The following PLBD1 variants were observed in gnomAD, a reference collection of about 807,000 sequenced individuals.
PLBD1 encodes the protein lysosomal leucine aminopeptidase.
PLBD1 carries 60 observed loss-of-function variants against 63.0 expected under a neutral mutation model. The ratio of observed to expected loss-of-function variants is 0.95; its 90% CI spans 0.77 to 1.18. PLBD1 has a LOEUF of 1.18. Ranked by LOEUF, PLBD1 falls within the 50% of genes most tolerant of loss-of-function variation. The pLI, the probability that PLBD1 is intolerant of heterozygous loss-of-function variation, is 0.00. For missense variants in PLBD1, 598 were observed against 677.9 expected, an observed-to-expected ratio of 0.88 and a Z score of 1.31; for synonymous variants, 262 against 248.0, an observed-to-expected ratio of 1.06 and a Z score of -0.53.
intron 4 of PLBD1, among the ~76,000 whole-genome samples, chr12:14,539,801 G>A (rs1018247318): frequency 2.7e-5 from 4 of 150,602 alleles, no homozygotes; most frequent in Non-Finnish European, 5.9e-5. Context: ...AAAAAAGTTA[G>A]AGTCTTACTG....
Position 14,553,399 on chromosome 12 carries a change from T to G in PLBD1, c.129A>C (p.Ala43=). 1 of 1,613,924 alleles carries G rather than the reference T, an allele frequency of 6.2e-7. No homozygotes were observed. ...TTTCAGCAGGCATCCAGTATGCAGT[T>G]GCATAGTAGACTCCTAGAAGAAAAG... ...EPPKPAGVYY[A]TAYWMPAEKT... Residue 43 remains alanine, a synonymous_variant, in exon 2 of 11, where the codon GCA becomes GCC. Coordinates refer to ENST00000240617, the MANE Select transcript of PLBD1 (RefSeq NM_024829.6).
At position 14,529,421 on chromosome 12, in the gene PLBD1, G is replaced by C. The variant is rs143819650; in HGVS notation, c.844+6238C>G. Among the ~76,000 whole-genome samples the C allele has an allele frequency of 2.4e-3, 364 of 152,004 alleles. 1 individual carries two copies. The highest frequency in any genetic ancestry group is 4.0e-3 in the Non-Finnish European group (272 of 67,980). Reference sequence around the variant, plus strand: ...GTAAACTGAACTAAAAATAAATACAGAGAATAACACATCATGACTGAGGAT... The same window carrying C: ...GTAAACTGAACTAAAAATAAATACACAGAATAACACATCATGACTGAGGAT... On this transcript the variant is annotated intron_variant, in intron 6 of 10. Coordinates refer to ENST00000240617, the MANE Select transcript of PLBD1 (RefSeq NM_024829.6).
At chr12:14,542,418 T>C in intron 2 of PLBD1, 127 bp from the exon 3 acceptor site, 2 of 658,636 alleles carry the variant, frequency 3.0e-6, no homozygotes, top group Non-Finnish European at 2.6e-6. Flanking sequence ...CTATCTTTTT[T>C]TTCCTTAATA....
At chr12:14,529,007 C>T (rs952149580) in intron 6 of PLBD1, among the ~76,000 whole-genome samples, 3 of 152,024 alleles carry the variant, frequency 2.0e-5, no homozygotes, top group Non-Finnish European at 4.4e-5. Context: ...TCATATCTAG[C>T]TTCACGCGTG....
At chr12:14,516,277 C>T (rs1047082785) in intron 6 of PLBD1, among the ~76,000 whole-genome samples, 8 of 152,138 alleles carry the variant, frequency 5.3e-5, no homozygotes, top group South Asian at 2.1e-4. Flanking sequence ...TGCAGTGAGC[C>T]GAGATCGCGC....
chr12:14,565,907 C>A lies in PLBD1; in HGVS notation c.115+1675G>T, dbSNP rs1945776750. 2.6e-5 allele frequency among the ~76,000 whole-genome samples: 4 copies of A among 152,140 alleles called. No homozygotes were observed. The South Asian group carries it at 8.3e-4, about 31-fold the overall frequency. ...GAAATGTCCTTACTTTCTGCCTTGG[C>A]TCCAGAACCTCCAAGCATGGAGTCA... On this transcript the variant is annotated intron_variant, in intron 1 of 10. Coordinates refer to ENST00000240617, the MANE Select transcript of PLBD1 (RefSeq NM_024829.6).
intron 1 of PLBD1, among the ~76,000 whole-genome samples, chr12:14,561,744 C>T (rs541321246): frequency 4.6e-5 from 7 of 152,126 alleles, no homozygotes; most frequent in East Asian, 1.9e-4. Flanking sequence ...TTAGCAGAGA[C>T]GGGGTTTGTC....
chr12:14,505,120 TTTTTA>T (rs1164165284), intron 10 of PLBD1, among the ~76,000 whole-genome samples: 2 of 151,746 alleles, frequency 1.3e-5, no homozygotes, highest in Non-Finnish European at 2.9e-5. Flanking sequence ...TTTTTTTTTT[TTTTTA>T]ATGTTAACAT....
At position 14,542,852 on chromosome 12, in the gene PLBD1, C is replaced by T. The variant is rs193015413; in HGVS notation, c.336-561G>A. Among the ~76,000 whole-genome samples, 3 of 151,996 alleles carry T rather than the reference C, an allele frequency of 2.0e-5. No individual in the cohort carries two copies. The East Asian group carries it at 5.8e-4, about 29-fold the overall frequency. On this transcript the variant is annotated intron_variant, in intron 2 of 10. Coordinates refer to ENST00000240617, the MANE Select transcript of PLBD1 (RefSeq NM_024829.6). ...CACAAGGTCAGGAGATCGAGACCAT[C>T]CTGGCTAACACGGTGAAACCCCGTC...
intron 6 of PLBD1, among the ~76,000 whole-genome samples, chr12:14,517,133 G>A (rs1426503370): frequency 1.3e-5 from 2 of 152,076 alleles, no homozygotes; most frequent in African/African-American, 2.4e-5. Flanking sequence ...TGAGTTCACT[G>A]CTCTTTTAGT....
At chr12:14,533,984 A>T (rs1945489112) in intron 6 of PLBD1, among the ~76,000 whole-genome samples, 1 of 152,012 alleles carries the variant, frequency 6.6e-6, no homozygotes, top group Admixed American at 6.6e-5. Flanking sequence ...TCTCCATAAA[A>T]CATTTTTTAA....
chr12:14,540,051 T>TACACACAC lies in PLBD1; in HGVS notation c.558+712_558+713insGTGTGTGT, dbSNP rs1431406731. ...ATATATATATATATATATATATATATATACACACACACACTGGTCAAAATA... is the reference window on the plus strand; with the variant it reads ...ATATATATATATATATATATATATATACACACACATACACACACACACTGGTCAAAATA... On this transcript the variant is annotated intron_variant, in intron 4 of 10. Coordinates refer to ENST00000240617, the MANE Select transcript of PLBD1 (RefSeq NM_024829.6). Among the ~76,000 whole-genome samples, 458 of 75,196 alleles carry TACACACAC rather than the reference T, an allele frequency of 6.1e-3. 7 individuals carry two copies. The highest frequency in any genetic ancestry group is 0.011 in the African/African-American group (231 of 20,906). 49.3% of individuals were successfully genotyped at this position (75,196 alleles called of 152,430 possible). A position where few individuals can be genotyped will look rare whatever the true frequency, so the allele number is the denominator to read the frequency against.
intron 4 of PLBD1, among the ~76,000 whole-genome samples, chr12:14,537,043 C>G (rs10846019): frequency 0.29 from 42,944 of 147,372 alleles, 6,627 homozygotes; most frequent in South Asian, 0.52. Context: ...GAGCCAAGAT[C>G]GCACCACAGC....
intron 8 of PLBD1, among the ~76,000 whole-genome samples, chr12:14,510,224 C>G (rs1262661255): frequency 3.3e-5 from 5 of 152,136 alleles, no homozygotes; most frequent in Non-Finnish European, 2.9e-5. Flanking sequence ...AACCCCGTCT[C>G]TACTAAAAAC....
intron 6 of PLBD1, among the ~76,000 whole-genome samples, chr12:14,527,714 C>G (rs917923944): frequency 6.6e-6 from 1 of 151,816 alleles, no homozygotes; most frequent in African/African-American, 2.4e-5. Flanking sequence ...TTTATTGGCC[C>G]TTAAACTGAA....
intron 6 of PLBD1, among the ~76,000 whole-genome samples, chr12:14,514,372 T>C (rs985361461): frequency 6.6e-6 from 1 of 152,228 alleles, no homozygotes; most frequent in Admixed American, 6.5e-5. Flanking sequence ...GGTAGAATGC[T>C]GTATTTCCGG....
Position 14,507,131 on chromosome 12 carries a change from G to A in PLBD1, c.1187-13C>T. ...GAGGGCCAATATCCTGATTTGGAAT[G>A]GAAGGGAAGTAAGGGAGGGATTGAC... On this transcript the variant is annotated splice_polypyrimidine_tract_variant and intron_variant, in intron 8 of 10. Transcript: ENST00000240617. The A allele has an allele frequency of 2.5e-6, 4 of 1,574,234 alleles. No homozygotes were observed. Among genetic ancestry groups the A allele is most frequent in the South Asian group, 1.1e-5 (1 of 88,112 alleles).
chr12:14,527,401 G>A lies in PLBD1; in HGVS notation c.844+8258C>T, dbSNP rs553905183. ...ATCTGTTACTAGTACCATCTTGACA[G>A]AGGATACATGCTCCCAAAACGTTTG... On this transcript the variant is annotated intron_variant, in intron 6 of 10. Transcript: ENST00000240617. 3.9e-5 allele frequency among the ~76,000 whole-genome samples: 6 copies of A among 152,276 alleles called. No individual in the cohort carries two copies. In the East Asian group the frequency reaches 9.6e-4, roughly 24 times the overall value.
Position 14,523,705 on chromosome 12 carries a change from G to T in PLBD1, c.844+11954C>A, listed in dbSNP as rs192572986. ...TTACAGCTAATTGATTTTTGACAAA[G>T]ACACTAAGAACACACATTGGAAAAA... On this transcript the variant is annotated intron_variant, in intron 6 of 10. Transcript: ENST00000240617. Among the ~76,000 whole-genome samples the T allele has an allele frequency of 1.8e-4, 27 of 152,244 alleles. No homozygotes were observed. In the East Asian group the frequency reaches 5.0e-3, roughly 28 times the overall value.
Sources: gnomAD v4.1 joint callset for allele counts (sites outside exome capture counted in the v4.1 genomes callset) on GRCh38, gnomAD v4.1.1 for gene constraint, MANE v1.5 for transcripts, NCBI Gene and HGNC (gene_info 2026-07-23, HGNC 2026-07-21) for gene names.